DIAPH3: variants seen among roughly 807,000 people sequenced by gnomAD.
The protein encoded by DIAPH3 is diaphanous related formin 3, also known as protein diaphanous homolog 3.
DIAPH3 carries 117 observed loss-of-function variants against 144.3 expected under a neutral mutation model. The observed-to-expected ratio is 0.81, with a 90% CI of 0.70 to 0.95. The LOEUF is 0.95. Ranked by LOEUF, DIAPH3 falls within the 40% of genes least tolerant of loss-of-function variation. The pLI is 0.00. For missense variants in DIAPH3, 1,421 were observed against 1,412.7 expected (o/e 1.01, Z -0.09); for synonymous variants, 519 against 488.9 (o/e 1.06, Z -0.81).
At chr13:59,958,415 GT>G (rs2049533996) in intron 17 of DIAPH3, among the ~76,000 whole-genome samples, 1 of 151,996 alleles carries the variant, frequency 6.6e-6, no homozygotes, top group African/African-American at 2.4e-5. Context: ...AGGAAACTTA[GT>G]TTATCAACAG....
intron 22 of DIAPH3, among the ~76,000 whole-genome samples, chr13:59,845,783 A>G (rs2042597447): frequency 6.6e-6 from 1 of 152,128 alleles, no homozygotes; most frequent in Admixed American, 6.6e-5. Flanking sequence ...AATTATCTCT[A>G]TCTTTGCAAT....
intron 24 of DIAPH3, among the ~76,000 whole-genome samples, chr13:59,832,064 T>C (rs889969166): frequency 6.6e-6 from 1 of 151,870 alleles, no homozygotes; most frequent in African/African-American, 2.4e-5. Context: ...CTAAGCCATA[T>C]TGCTTTACAA....
At chr13:59,960,457 T>C (rs960976774) in intron 17 of DIAPH3, among the ~76,000 whole-genome samples, 2 of 152,146 alleles carry the variant, frequency 1.3e-5, no homozygotes, top group Non-Finnish European at 2.9e-5. Context: ...AACCTTCTGC[T>C]AGCAATCTAT....
intron 4 of DIAPH3, among the ~76,000 whole-genome samples, chr13:60,078,687 A>T (rs1006467112): frequency 6.6e-6 from 1 of 152,026 alleles, no homozygotes; most frequent in Non-Finnish European, 1.5e-5. Context: ...CAGATGAAAT[A>T]TTAATACATT....
intron 4 of DIAPH3, 21 bp downstream of exon 4, chr13:60,093,607 C>G (rs1425531645): frequency 2.7e-6 from 4 of 1,493,128 alleles, no homozygotes; most frequent in African/African-American, 1.4e-5. Flanking sequence ...CAGTATTTTT[C>G]AACTTGACAG....
At chr13:59,670,526 T>C (rs2032302994) in intron 27 of DIAPH3, among the ~76,000 whole-genome samples, 1 of 151,440 alleles carries the variant, frequency 6.6e-6, no homozygotes, top group Non-Finnish European at 1.5e-5. Flanking sequence ...AGGAGTTGCC[T>C]ATCCCACTAT....
At chr13:59,791,499 T>A (rs1320539517) in intron 25 of DIAPH3, among the ~76,000 whole-genome samples, 4 of 152,066 alleles carry the variant, frequency 2.6e-5, no homozygotes, top group African/African-American at 9.7e-5. Flanking sequence ...AAAGGTAAAG[T>A]AAGGTGCCCA....
chr13:60,149,915 G>A (rs1029147388), intron 1 of DIAPH3, among the ~76,000 whole-genome samples: 2 of 152,258 alleles, frequency 1.3e-5, no homozygotes, highest in Admixed American at 1.3e-4. Context: ...GGCAGGTGGT[G>A]GGGAGGGGGA....
intron 20 of DIAPH3, among the ~76,000 whole-genome samples, chr13:59,887,653 T>C (rs751226174): frequency 2.0e-5 from 3 of 152,252 alleles, no homozygotes; most frequent in South Asian, 2.1e-4. Context: ...ACATTTGATA[T>C]GCGTTTAAAA....
chr13:59,927,935 C>T (rs1167845963), intron 17 of DIAPH3, among the ~76,000 whole-genome samples: 1 of 152,112 alleles, frequency 6.6e-6, no homozygotes, highest in Non-Finnish European at 1.5e-5. Context: ...TTTCCCAAGA[C>T]TTAGAGAGTT....
chr13:59,970,126 G>A, intron 16 of DIAPH3, 68 bp from the exon 17 acceptor site: 3 of 801,344 alleles, frequency 3.7e-6, no homozygotes, highest in Non-Finnish European at 6.1e-6. Context: ...CAAGCACTAT[G>A]CATACACTGA....
chr13:60,104,143 T>C (rs369012665), intron 3 of DIAPH3, among the ~76,000 whole-genome samples: 2 of 152,170 alleles, frequency 1.3e-5, no homozygotes, highest in African/African-American at 4.8e-5. Context: ...ATTAACTTTA[T>C]TACTACTTTT....
chr13:59,793,819 A>G (rs1255433695), intron 25 of DIAPH3, among the ~76,000 whole-genome samples: 1 of 152,216 alleles, frequency 6.6e-6, no homozygotes, highest in Non-Finnish European at 1.5e-5. Context: ...CCTGGAACAC[A>G]GGACTTTCAG....
chr13:59,830,252 G>T (rs1165686234), intron 24 of DIAPH3, among the ~76,000 whole-genome samples: 1 of 151,528 alleles, frequency 6.6e-6, no homozygotes, highest in Non-Finnish European at 1.5e-5. Flanking sequence ...ACTTCAAAGC[G>T]ATATATTTTG....
intron 21 of DIAPH3, among the ~76,000 whole-genome samples, chr13:59,864,476 C>T (rs995096803): frequency 6.6e-6 from 1 of 151,740 alleles, no homozygotes; most frequent in African/African-American, 2.4e-5. Flanking sequence ...TTAAGACAAT[C>T]ACCATCTACC....
At chr13:59,725,070 G>C (rs1019060245) in intron 27 of DIAPH3, among the ~76,000 whole-genome samples, 10 of 152,170 alleles carry the variant, frequency 6.6e-5, no homozygotes, top group African/African-American at 2.4e-4. Flanking sequence ...GCTAAATTTT[G>C]AAATGTAATA....
intron 7 of DIAPH3, chr13:60,013,246 G>A (rs917173504): frequency 2.0e-6 from 2 of 982,036 alleles, no homozygotes; most frequent in Non-Finnish European, 2.4e-6. Context: ...TTAGCTAATA[G>A]ATGGAATTTC....
chr13:60,024,681 C>A (rs1216150984), intron 5 of DIAPH3, among the ~76,000 whole-genome samples: 1 of 152,078 alleles, frequency 6.6e-6, no homozygotes. Flanking sequence ...ATACTGAAGG[C>A]TGAAAATTTG....
At chr13:60,113,969 T>C (rs1269878286) in intron 2 of DIAPH3, among the ~76,000 whole-genome samples, 1 of 152,166 alleles carries the variant, frequency 6.6e-6, no homozygotes, top group African/African-American at 2.4e-5. Flanking sequence ...GCTGTATGAA[T>C]ACTCCGTGAG....
Sources: gnomAD v4.1 joint callset for allele counts (sites outside exome capture counted in the v4.1 genomes callset) on GRCh38, gnomAD v4.1.1 for gene constraint, MANE v1.5 for transcripts, NCBI Gene and HGNC (gene_info 2026-07-23, HGNC 2026-07-21) for gene names.